The following NECTIN1 variants were observed in gnomAD, a reference collection of about 807,000 sequenced individuals.
NECTIN1 encodes nectin cell adhesion molecule 1, also known as nectin-1.
In NECTIN1, 23 loss-of-function variants were observed where a neutral mutation model predicts 48.0. The ratio of observed to expected loss-of-function variants is 0.48; its 90% CI spans 0.34 to 0.68. The LOEUF (loss-of-function observed/expected upper bound fraction) is 0.68. NECTIN1 is among the 30% of genes least tolerant of loss of function. The pLI is 0.01. For synonymous variants in NECTIN1, 270 were observed against 288.9 expected (o/e 0.93, Z 0.66); for missense variants, 591 against 709.9 (o/e 0.83, Z 1.90).
At chr11:119,645,819 G>C (rs1052868096) in intron 5 of NECTIN1, among the ~76,000 whole-genome samples, 1 of 152,160 alleles carries the variant, frequency 6.6e-6, no homozygotes, top group Non-Finnish European at 1.5e-5. Context: ...CATACAGGAG[G>C]GAACTCTTTC....
chr11:119,648,322 A>ATGG (rs1298252121), intron 5 of NECTIN1, among the ~76,000 whole-genome samples: 7 of 4,260 alleles, frequency 1.6e-3, no homozygotes, highest in African/African-American at 3.6e-3. Flanking sequence ...GGTGATGGTG[A>ATGG]TGGTGGTGAT....
At chr11:119,642,459 G>C (rs1424378377) in intron 5 of NECTIN1, 1 of 153,312 alleles carries the variant, frequency 6.5e-6, no homozygotes, top group Non-Finnish European at 1.5e-5. Flanking sequence ...AGGAGGAAGA[G>C]ACAGGTTCAG....
At chr11:119,685,887 G>T (rs2135558073) in intron 1 of NECTIN1, among the ~76,000 whole-genome samples, 1 of 152,238 alleles carries the variant, frequency 6.6e-6, no homozygotes, top group East Asian at 1.9e-4. Flanking sequence ...TGTAAAATGG[G>T]GAATATTGGC....
At chr11:119,681,014 C>G (rs1022412120) in intron 1 of NECTIN1, among the ~76,000 whole-genome samples, 1 of 152,256 alleles carries the variant, frequency 6.6e-6, no homozygotes, top group African/African-American at 2.4e-5. Context: ...GCAGACTGGC[C>G]TCCCGAGTCC....
chr11:119,648,819 C>A (rs1864450409), intron 5 of NECTIN1, among the ~76,000 whole-genome samples: 1 of 152,034 alleles, frequency 6.6e-6, no homozygotes, highest in Admixed American at 6.5e-5. Context: ...CTTCCATTTT[C>A]CCTGAGGGTG....
rs369597535 is a variant in NECTIN1 at position 119,675,334 on chromosome 11, G to A, written c.852-24C>T. 4.0e-5 allele frequency: 64 copies of A among 1,614,018 alleles called. 1 individual carries two copies. The highest frequency in any genetic ancestry group is 1.2e-4 in the African/African-American group (9 of 75,024). On this transcript the variant is annotated intron_variant, in intron 4 of 5. Coordinates refer to ENST00000264025, the MANE Select transcript of NECTIN1 (RefSeq NM_002855.5). ...GCCTGTGGGAAGTGGGAGACACAGC[G>A]TAGGGTTATGACTCTCCAGCCTCAA...
At chr11:119,668,457 C>T (rs1017469873) in intron 5 of NECTIN1, among the ~76,000 whole-genome samples, 5 of 152,158 alleles carry the variant, frequency 3.3e-5, no homozygotes, top group African/African-American at 4.8e-5. Context: ...ATCATGCAAC[C>T]GTATCTTGGG....
chr11:119,690,459 GA>G, intron 1 of NECTIN1, among the ~76,000 whole-genome samples: 1 of 152,030 alleles, frequency 6.6e-6, no homozygotes, highest in Admixed American at 6.5e-5. Context: ...GCTGGGGCCA[GA>G]AAAAAAAGGG....
At chr11:119,666,696 G>A (rs567518864) in intron 5 of NECTIN1, among the ~76,000 whole-genome samples, 13 of 152,334 alleles carry the variant, frequency 8.5e-5, no homozygotes, top group East Asian at 5.8e-4. Flanking sequence ...CAGTTTGCCC[G>A]TATACTGTTT....
At chr11:119,646,933 C>T (rs568002157) in intron 5 of NECTIN1, among the ~76,000 whole-genome samples, 34 of 152,332 alleles carry the variant, frequency 2.2e-4, no homozygotes, top group African/African-American at 7.5e-4. Context: ...TGTGGACAGT[C>T]GGTGCCTAGT....
intron 5 of NECTIN1, among the ~76,000 whole-genome samples, chr11:119,670,012 T>G (rs1340233119): frequency 1.3e-5 from 2 of 150,974 alleles, no homozygotes; most frequent in Non-Finnish European, 2.9e-5. Flanking sequence ...CAGGCTGGAG[T>G]GCAGTGGCTC....
chr11:119,722,698 C>T (rs866303012), intron 1 of NECTIN1, among the ~76,000 whole-genome samples: 2 of 152,226 alleles, frequency 1.3e-5, no homozygotes, highest in Non-Finnish European at 1.5e-5. Context: ...GGCAGGGACT[C>T]GCTTCCCAAG....
chr11:119,674,777 G>A, intron 5 of NECTIN1: 1 of 1,524,316 alleles, frequency 6.6e-7, no homozygotes, highest in Non-Finnish European at 9.1e-7. Context: ...TTGACCACAG[G>A]TGCAGAGCTT....
chr11:119,659,141 C>A (rs1014317371), downstream of NECTIN1: 1 of 152,262 alleles, frequency 6.6e-6, no homozygotes. Flanking sequence ...CACAGCTCTG[C>A]GACAGCCTGT....
chr11:119,662,563 A>C lies in NECTIN1; in HGVS notation c.*2184T>G, dbSNP rs534346474. 6.0e-4 allele frequency: 596 copies of C among 985,626 alleles called. No homozygotes were observed. Among genetic ancestry groups the C allele is most frequent in the Non-Finnish European group, 6.9e-4 (574 of 829,978 alleles). 61.1% of individuals were successfully genotyped at this position (985,626 alleles called of 1,614,324 possible). ...AATGGGGAATAGAGGGTGGCAGTGC[A>C]GGATAAAGGAGATGCAGGAGGAGAC... On this transcript the variant is annotated 3_prime_UTR_variant, in exon 6 of 6. Transcript: ENST00000264025. The surrounding 1 kb of genome is among the most constrained non-coding windows in gnomAD (Gnocchi z 5.3).
chr11:119,710,885 C>T (rs142407553), intron 1 of NECTIN1, among the ~76,000 whole-genome samples: 10 of 152,242 alleles, frequency 6.6e-5, no homozygotes, highest in Admixed American at 2.6e-4. Flanking sequence ...CACACATCCA[C>T]GCACAACTTC....
At chr11:119,692,239 C>T (rs1469286283) in intron 1 of NECTIN1, among the ~76,000 whole-genome samples, 2 of 151,988 alleles carry the variant, frequency 1.3e-5, no homozygotes, top group African/African-American at 4.9e-5. Context: ...GCCTGCTCCG[C>T]ACACTGCCTC....
intron 1 of NECTIN1, among the ~76,000 whole-genome samples, chr11:119,726,915 G>A (rs1865916546): frequency 6.6e-6 from 1 of 152,064 alleles, no homozygotes; most frequent in South Asian, 2.1e-4. Flanking sequence ...TCTCTGGCTG[G>A]CTTCCCAGGC....
At chr11:119,649,966 G>A (rs1248110559) in intron 5 of NECTIN1, among the ~76,000 whole-genome samples, 1 of 152,274 alleles carries the variant, frequency 6.6e-6, no homozygotes, top group East Asian at 1.9e-4. Context: ...TCACCTGGGT[G>A]CAGGAGGGCT....
Sources: allele counts gnomAD v4.1 joint callset (sites outside exome capture counted in the v4.1 genomes callset), GRCh38; gene constraint gnomAD v4.1.1; non-coding constraint Gnocchi (gnomAD v3.1); transcripts MANE v1.5; gene names NCBI Gene and HGNC (gene_info 2026-07-23, HGNC 2026-07-21).